Variants in C2orf68 observed in about 807,000 individuals in gnomAD.
C2orf68 encodes the protein chromosome 2 open reading frame 68, also known as UPF0561 protein C2orf68.
C2orf68 carries 15 observed loss-of-function variants against 19.1 expected under a neutral mutation model. That is an observed-to-expected ratio of 0.79 (90% CI 0.53 to 1.21). The LOEUF (loss-of-function observed/expected upper bound fraction) is 1.21. C2orf68 is among the 50% of genes most tolerant of loss of function. The pLI is 0.00. For missense variants in C2orf68, 242 were observed against 226.6 expected (o/e 1.07, Z -0.44); for synonymous variants, 98 against 91.0 (o/e 1.08, Z -0.44).
At chr2:85,610,578 T>C (rs750214971) in intron 2 of C2orf68, 10 of 152,082 alleles carry the variant, frequency 6.6e-5, no homozygotes, top group Admixed American at 4.6e-4. Context: ...TCTTATGAGG[T>C]TGTATAAAGA....
At chr2:85,609,199 G>A (rs181444910) in intron 3 of C2orf68, 132 bp from the exon 4 acceptor site, 3 of 1,341,426 alleles carry the variant, frequency 2.2e-6, no homozygotes, top group Non-Finnish European at 3.0e-6. Context: ...TTTCCTATGT[G>A]TCTCCTGTAA....
chr2:85,609,076 AG>A lies in C2orf68; in HGVS notation c.379-10del. 6.2e-7 allele frequency: 1 copy of A among 1,613,890 alleles called. No individual in the cohort carries two copies. The highest frequency in any genetic ancestry group is 8.5e-7 in the Non-Finnish European group (1 of 1,179,866). ...TTTCCTGGGTCATCACCCTACGTGG[AG>A]GAAGAGTCAGAAGGCTCAGGGCCTG... On this transcript the variant is annotated splice_polypyrimidine_tract_variant and intron_variant, in intron 3 of 3. Transcript: ENST00000306336.
intron 2 of C2orf68, chr2:85,611,138 G>T: frequency 1.9e-6 from 1 of 517,926 alleles, no homozygotes; most frequent in Non-Finnish European, 2.6e-6. Flanking sequence ...TACTCGGGAG[G>T]CTAAGGCTGC....
chr2:85,609,544 C>T lies in C2orf68; in HGVS notation c.269G>A (p.Gly90Asp), dbSNP rs747814463. Reference sequence around the variant, plus strand: ...AGAGCCTCCACTACTGCTGCTTTCACCGGACTCTTCATAGTCTGGGTTGCG... The same window carrying T: ...AGAGCCTCCACTACTGCTGCTTTCATCGGACTCTTCATAGTCTGGGTTGCG... ...HPRNPDYEES[G>D]ESSSSGGSEL... The change falls in exon 3 of 4, where the codon GGT becomes GAT. Residue 90 changes from glycine to aspartate, a missense_variant. Coordinates refer to ENST00000306336, the MANE Select transcript of C2orf68 (RefSeq NM_001013649.4). 2 of 1,614,200 alleles carry T rather than the reference C, an allele frequency of 1.2e-6. No homozygotes were observed. The highest frequency in any genetic ancestry group is 1.7e-5 in the Admixed American group (1 of 60,028).
Position 85,611,979 on chromosome 2 carries a change from C to A in C2orf68, c.6G>T (p.Glu2Asp). The change falls in exon 1 of 4, where the codon GAG becomes GAT. Residue 2 changes from glutamate (E) to aspartate (D), a missense_variant. Coordinates refer to ENST00000306336, the MANE Select transcript of C2orf68 (RefSeq NM_001013649.4). ...GCCCCGGCCGGGGATGCGGCCCCGC[C>A]TCCATCAGGAGCCGGGGACGCAGAG... M[E>D]AGPHPRPGHC... is the part of the protein sequence containing the mutation. 1 of 1,538,574 alleles carries A rather than the reference C, an allele frequency of 6.5e-7. No individual in the cohort carries two copies.
In C2orf68 at chr2:85,607,678, G is replaced by C. The variant is rs1673266949; in HGVS notation, c.*1267C>G. 1 of 152,204 alleles carries C rather than the reference G, an allele frequency of 6.6e-6. No homozygotes were observed. The highest frequency in any genetic ancestry group is 1.5e-5 in the Non-Finnish European group (1 of 68,046). 9.4% of individuals were successfully genotyped at this position (152,204 alleles called of 1,614,324 possible). ...GTGCCATCAGGTGTCTTAACACCCG[G>C]ATGTGGAGAAACCCCTGGGGCAAGG... On this transcript the variant is annotated 3_prime_UTR_variant, in exon 4 of 4. Transcript: ENST00000306336.
chr2:85,609,107 C>G, intron 3 of C2orf68, 40 bp from the exon 4 acceptor site: 1 of 1,607,082 alleles, frequency 6.2e-7, no homozygotes, highest in Middle Eastern at 1.7e-4. Context: ...GGCCTGGCCT[C>G]TTCCAGAAAG....
Position 85,609,542 on chromosome 2 carries a change from C to T in C2orf68, c.271G>A (p.Glu91Lys). Residue 91 changes from glutamate to lysine, a missense_variant, in exon 3 of 4, where the codon GAA becomes AAA. Transcript: ENST00000306336. ...TCAGAGCCTCCACTACTGCTGCTTT[C>T]ACCGGACTCTTCATAGTCTGGGTTG... ...PRNPDYEESG[E>K]SSSSGGSELE... The T allele has an allele frequency of 2.5e-6, 4 of 1,614,212 alleles. No homozygotes were observed. The highest frequency in any genetic ancestry group is 2.2e-5 in the East Asian group (1 of 44,892).
rs1673327392 is a variant in C2orf68, at chr2:85,608,984, A to G, written c.462T>C (p.Arg154=). ...GGCGCTTTGCAATCTCCTCCTGGATACGCAACTTGAGGGCTTCTCGCATGG... is the reference window on the plus strand; with the variant it reads ...GGCGCTTTGCAATCTCCTCCTGGATGCGCAACTTGAGGGCTTCTCGCATGG... ...DPPMREALKL[R]IQEEIAKRQS... Residue 154 remains arginine, a synonymous_variant, in exon 4 of 4, where the codon CGT becomes CGC. Coordinates refer to ENST00000306336, the MANE Select transcript of C2orf68 (RefSeq NM_001013649.4). The G allele has an allele frequency of 6.2e-7, 1 of 1,614,262 alleles. No homozygotes were observed.
chr2:85,607,617 G>C lies in C2orf68; in HGVS notation c.*1328C>G, dbSNP rs1673264537. 1 of 152,194 alleles carries C rather than the reference G, an allele frequency of 6.6e-6. No homozygotes were observed. Among genetic ancestry groups the C allele is most frequent in the African/African-American group, 2.4e-5 (1 of 41,442 alleles). The allele number at this position is 152,194 out of a possible 1,614,324, so 9.4% of individuals were successfully genotyped here. A position where few individuals can be genotyped will look rare whatever the true frequency, so the allele number is the denominator to read the frequency against. On this transcript the variant is annotated 3_prime_UTR_variant, in exon 4 of 4. Transcript: ENST00000306336. ...ACAAGATTGAAGTAGCTACCTTGCA[G>C]GATAGATTTTCTGGGGTATAGGGGA...
chr2:85,609,687 T>G lies in C2orf68; in HGVS notation c.227-101A>C, dbSNP rs149877994. 73 of 1,460,440 alleles carry G rather than the reference T, an allele frequency of 5.0e-5. No homozygotes were observed. The African/African-American group carries it at 8.1e-4, about 16-fold the overall frequency. 90.5% of individuals were successfully genotyped at this position (1,460,440 alleles called of 1,614,324 possible). Reference sequence around the variant, plus strand: ...AAATATACGGTTAGGAAAGCCCCAGTCTTCTTTTTTTTGAGACGAAGTCTC... The same window carrying G: ...AAATATACGGTTAGGAAAGCCCCAGGCTTCTTTTTTTTGAGACGAAGTCTC... On this transcript the variant is annotated intron_variant, in intron 2 of 3. Coordinates refer to ENST00000306336, the MANE Select transcript of C2orf68 (RefSeq NM_001013649.4).
chr2:85,605,774 G>C lies in C2orf68; in HGVS notation c.*3171C>G, dbSNP rs143452153. On this transcript the variant is annotated 3_prime_UTR_variant, in exon 4 of 4. Transcript: ENST00000306336. ...AGATTGGATACTCACCATCCCAAAG[G>C]GGTTCCTCCCACCTGGATGGGGCCA... Among the ~76,000 whole-genome samples the C allele has an allele frequency of 2.5e-3, 377 of 152,250 alleles. 1 individual carries two copies. The highest frequency in any genetic ancestry group is 3.7e-3 in the Non-Finnish European group (254 of 68,018).
intron 2 of C2orf68, chr2:85,611,174 C>G (rs1200124678): frequency 1.0e-6 from 1 of 996,678 alleles, no homozygotes; most frequent in African/African-American, 1.8e-5. Context: ...CACCATTGCA[C>G]TCCAGCCTGG....
At chr2:85,611,074 C>G (rs1486229119) in intron 2 of C2orf68, 1 of 224,624 alleles carries the variant, frequency 4.5e-6, no homozygotes, top group Admixed American at 5.6e-5. Flanking sequence ...AACCCCTTCT[C>G]TACAAGAAAT....
At position 85,608,701 on chromosome 2, in the gene C2orf68, CAAAAAAAAAAAAAAA is replaced by C. The variant is rs5832651; in HGVS notation, c.*229_*243del. The stretch of plus-strand genomic sequence containing the variant: ...GAACACATTAGCCACACAAAATCCT[CAAAAAAAAAAAAAAA>C]AAAAAAAAAAAAAGAATTCCAGAAT... On this transcript the variant is annotated 3_prime_UTR_variant, in exon 4 of 4. Transcript: ENST00000306336. 68 of 55,442 alleles carry C rather than the reference CAAAAAAAAAAAAAAA, an allele frequency of 1.2e-3. 2 individuals carry two copies. The highest frequency in any genetic ancestry group is 1.6e-3 in the South Asian group (4 of 2,556). The allele number at this position is 55,442 out of a possible 1,614,324, so 3.4% of individuals were successfully genotyped here. A position where few individuals can be genotyped will look rare whatever the true frequency, so the allele number is the denominator to read the frequency against.
chr2:85,611,349 T>A lies in C2orf68; in HGVS notation c.226+319A>T, dbSNP rs575966261. 3,160 of 1,440,796 alleles carry A rather than the reference T, an allele frequency of 2.2e-3. 7 individuals are homozygous for A. Among genetic ancestry groups the A allele is most frequent in the Middle Eastern group, 4.9e-3 (19 of 3,912 alleles). The allele number at this position is 1,440,796 out of a possible 1,614,324, so 89.3% of individuals were successfully genotyped here. On this transcript the variant is annotated intron_variant, in intron 2 of 3. Coordinates refer to ENST00000306336, the MANE Select transcript of C2orf68 (RefSeq NM_001013649.4). ...CATTCCGCAATTATGTGCTGGTCGCTCATCGCTGTGCCAGACTTTCTCTTT... is the reference window on the plus strand; with the variant it reads ...CATTCCGCAATTATGTGCTGGTCGCACATCGCTGTGCCAGACTTTCTCTTT...
At position 85,611,863 on chromosome 2, in the gene C2orf68, A is replaced by G. The variant is rs1445464999; in HGVS notation, c.107+15T>C. 3.1e-6 allele frequency: 5 copies of G among 1,597,848 alleles called. No individual in the cohort carries two copies. The highest frequency in any genetic ancestry group is 1.7e-4 in the Middle Eastern group (1 of 6,032). On this transcript the variant is annotated intron_variant, in intron 1 of 3. Coordinates refer to ENST00000306336, the MANE Select transcript of C2orf68 (RefSeq NM_001013649.4). Reference sequence around the variant, plus strand: ...CCAGGAGTGGTGGCGGCGGCGGCGCAGGGCGGGGCGGTACCGAGCGATCTG... The same window carrying G: ...CCAGGAGTGGTGGCGGCGGCGGCGCGGGGCGGGGCGGTACCGAGCGATCTG...
Position 85,609,003 on chromosome 2 carries a change from C to CAGAG in C2orf68, c.442_443insCTCT (p.Arg148ProfsTer44), listed in dbSNP as rs1673330170. 1 of 1,614,112 alleles carries CAGAG rather than the reference C, an allele frequency of 6.2e-7. No individual in the cohort carries two copies. ...CTGGATACGCAACTTGAGGGCTTCTCGCATGGGTGGATCCAGAGGCGTGTG... is the reference window on the plus strand; with the variant it reads ...CTGGATACGCAACTTGAGGGCTTCTCAGAGGCATGGGTGGATCCAGAGGCGTGTG... On this transcript the variant is annotated frameshift_variant, in exon 4 of 4. Transcript: ENST00000306336. LOFTEE classifies it high-confidence loss of function.
In C2orf68 at chr2:85,608,505, CT is replaced by C; in HGVS notation, c.*439del. The C allele has an allele frequency of 6.5e-6, 1 of 154,130 alleles. No homozygotes were observed. The highest frequency in any genetic ancestry group is 2.0e-4 in the South Asian group (1 of 4,978). 9.5% of individuals were successfully genotyped at this position (154,130 alleles called of 1,614,324 possible). ...CAAAGAAAAAGGGCTGAAAAAAGGT[CT>C]ATAAACACATGGGTGGAAATGAGCA... On this transcript the variant is annotated 3_prime_UTR_variant, in exon 4 of 4. Coordinates refer to ENST00000306336, the MANE Select transcript of C2orf68 (RefSeq NM_001013649.4).
Sources: allele counts gnomAD v4.1 joint callset (sites outside exome capture counted in the v4.1 genomes callset), GRCh38; gene constraint gnomAD v4.1.1; transcripts MANE v1.5; gene names NCBI Gene and HGNC (gene_info 2026-07-23, HGNC 2026-07-21).